Variants in YME1L1 observed in about 807,000 individuals in gnomAD.
The protein encoded by YME1L1 is ATP-dependent zinc metalloprotease YME1L1.
A neutral mutation model predicts 90.4 loss-of-function variants in YME1L1; 39 were observed. The observed-to-expected ratio is 0.43, with a 90% CI of 0.33 to 0.56. The LOEUF is 0.56. YME1L1 is among the 20% of genes least tolerant of loss of function. The pLI is 0.03. For synonymous variants in YME1L1, 284 were observed against 287.3 expected, an observed-to-expected ratio of 0.99 and a Z score of 0.12; for missense variants, 617 against 868.4, an observed-to-expected ratio of 0.71 and a Z score of 3.64.
chr10:27,113,250 A>G (rs1233240514), intron 18 of YME1L1, among the ~76,000 whole-genome samples: 1 of 102,904 alleles, frequency 9.7e-6, no homozygotes, highest in African/African-American at 3.2e-5. Context: ...AAAAAAAAAA[A>G]AAAAAAAAAA....
At chr10:27,112,610 C>G (rs1397135847) in intron 18 of YME1L1, among the ~76,000 whole-genome samples, 1 of 152,174 alleles carries the variant, frequency 6.6e-6, no homozygotes, top group Non-Finnish European at 1.5e-5. Flanking sequence ...GAAGTCCAGG[C>G]CATTTGACTA....
At chr10:27,142,603 T>G (rs1371635066) in intron 3 of YME1L1, 118 bp from the exon 4 acceptor site, 2 of 451,786 alleles carry the variant, frequency 4.4e-6, no homozygotes, top group Non-Finnish European at 7.9e-6. Flanking sequence ...TTTCAACTTT[T>G]ATTTATCCAT....
intron 4 of YME1L1, among the ~76,000 whole-genome samples, chr10:27,140,617 T>G (rs906340155): frequency 7.9e-5 from 12 of 152,158 alleles, no homozygotes; most frequent in African/African-American, 2.9e-4. Context: ...TAGCTGGGAT[T>G]ACAGGCACAC....
In YME1L1 at chr10:27,147,431, C is replaced by T. The variant is rs904973961; in HGVS notation, c.168+1475G>A. On this transcript the variant is annotated intron_variant, in intron 2 of 18. Transcript: ENST00000376016. The stretch of plus-strand genomic sequence containing the variant: ...AAAGATGGCAAGAACCTGAACTAAG[C>T]CGTGACTAAGAACGATGGACAAAAC... 1.9e-6 allele frequency: 3 copies of T among 1,613,370 alleles called. No homozygotes were observed. In the African/African-American group the frequency reaches 4.0e-5, roughly 22 times the overall value.
intron 2 of YME1L1, chr10:27,147,612 T>C: frequency 6.4e-7 from 1 of 1,560,406 alleles, no homozygotes. Flanking sequence ...CTTCGAATAT[T>C]TTTCCTTTGC....
rs777838729 is a variant in YME1L1, at chr10:27,114,478, C to T, written c.2007+43G>A. The T allele has an allele frequency of 4.6e-6, 7 of 1,521,082 alleles. No homozygotes were observed. The Admixed American group carries it at 1.1e-4, about 24-fold the overall frequency. The allele number at this position is 1,521,082 out of a possible 1,614,324, so 94.2% of individuals were successfully genotyped here. A position where few individuals can be genotyped will look rare whatever the true frequency, so the allele number is the denominator to read the frequency against. Reference sequence around the variant, plus strand: ...TTTTAAGAACCTGACTATTTAAGCACATTGTTCCTAAGAAAATAAATAAGC... The same window carrying T: ...TTTTAAGAACCTGACTATTTAAGCATATTGTTCCTAAGAAAATAAATAAGC... On this transcript the variant is annotated intron_variant, in intron 18 of 18. Transcript: ENST00000376016.
At chr10:27,116,515 A>C (rs2056814921) in intron 15 of YME1L1, among the ~76,000 whole-genome samples, 170 bp from the exon 16 acceptor site, 1 of 152,038 alleles carries the variant, frequency 6.6e-6, no homozygotes, top group Non-Finnish European at 1.5e-5. Context: ...AAAAATACAA[A>C]ATTAGGCAGG....
chr10:27,154,282 G>C lies in YME1L1; in HGVS notation c.-72C>G. On this transcript the variant is annotated 5_prime_UTR_variant, in exon 1 of 19. Transcript: ENST00000376016. The stretch of plus-strand genomic sequence containing the variant: ...CCTCTGTCCACGGCCCGGCGGGGAG[G>C]CGCTGAGCCCTTCTTTTTTCCTTTT... 1 of 1,521,142 alleles carries C rather than the reference G, an allele frequency of 6.6e-7. No individual in the cohort carries two copies. Among genetic ancestry groups the C allele is most frequent in the African/African-American group, 1.4e-5 (1 of 72,004 alleles). 94.2% of individuals were successfully genotyped at this position (1,521,142 alleles called of 1,614,324 possible). A position where few individuals can be genotyped will look rare whatever the true frequency, so the allele number is the denominator to read the frequency against.
chr10:27,139,134 T>A (rs1253696066), intron 4 of YME1L1, among the ~76,000 whole-genome samples: 1 of 152,152 alleles, frequency 6.6e-6, no homozygotes, highest in African/African-American at 2.4e-5. Flanking sequence ...GTGAAACACA[T>A]CTATTTTGTT....
intron 1 of YME1L1, among the ~76,000 whole-genome samples, chr10:27,151,255 C>T (rs1367508396): frequency 1.3e-5 from 2 of 152,182 alleles, no homozygotes; most frequent in African/African-American, 4.8e-5. Context: ...ATCCAACAAC[C>T]CTCTCTTGGG....
intron 4 of YME1L1, among the ~76,000 whole-genome samples, chr10:27,137,532 A>T (rs2057041894): frequency 6.6e-6 from 1 of 152,196 alleles, no homozygotes; most frequent in Non-Finnish European, 1.5e-5. Flanking sequence ...ACTACTTTCT[A>T]AAAAAGGCTG....
In YME1L1 at chr10:27,112,200, T is replaced by G. The variant is rs2056765896; in HGVS notation, c.2008-80A>C. 2.0e-5 allele frequency: 25 copies of G among 1,255,658 alleles called. 1 individual carries two copies. In the South Asian group the frequency reaches 3.4e-4, roughly 17 times the overall value. The allele number at this position is 1,255,658 out of a possible 1,614,324, so 77.8% of individuals were successfully genotyped here. A position where few individuals can be genotyped will look rare whatever the true frequency, so the allele number is the denominator to read the frequency against. ...AGTCAATGGGAAGAGAAAGAAAAAC[T>G]TTATGTACCCTAAAAAATATGAAAT... On this transcript the variant is annotated intron_variant, in intron 18 of 18. Coordinates refer to ENST00000376016, the MANE Select transcript of YME1L1 (RefSeq NM_014263.4).
intron 2 of YME1L1, among the ~76,000 whole-genome samples, chr10:27,148,473 G>C (rs897242617): frequency 2.0e-5 from 3 of 152,120 alleles, no homozygotes; most frequent in African/African-American, 7.2e-5. Context: ...AAGCTGCACA[G>C]ATCCACAGAT....
At chr10:27,153,386 A>T (rs2057253552) in intron 1 of YME1L1, 15 of 325,110 alleles carry the variant, frequency 4.6e-5, no homozygotes, top group South Asian at 3.6e-4. Flanking sequence ...CGATTTTCTT[A>T]AAAATTATGT....
Position 27,111,772 on chromosome 10 carries a change from A to T in YME1L1, c.*205T>A. 4.4e-6 allele frequency: 3 copies of T among 675,962 alleles called. No individual in the cohort carries two copies. Among genetic ancestry groups the T allele is most frequent in the Non-Finnish European group, 7.9e-6 (3 of 377,362 alleles). 41.9% of individuals were successfully genotyped at this position (675,962 alleles called of 1,614,324 possible). On this transcript the variant is annotated 3_prime_UTR_variant, in exon 19 of 19. Transcript: ENST00000376016. ...ATAGTTCTTTATTTTTTCAAAATAT[A>T]TTTGCCATGGGATGCTAATTTGCAA...
intron 13 of YME1L1, among the ~76,000 whole-genome samples, chr10:27,120,075 C>T (rs1308994242): frequency 6.6e-6 from 1 of 152,074 alleles, no homozygotes; most frequent in Non-Finnish European, 1.5e-5. Context: ...GCTTTCTTCT[C>T]TTTTGGCCCC....
At chr10:27,142,283 T>C in intron 4 of YME1L1, 104 bp downstream of exon 4, 2 of 652,788 alleles carry the variant, frequency 3.1e-6, no homozygotes, top group Admixed American at 3.2e-5. Flanking sequence ...TTAGGTCCTG[T>C]GAATTGCAAA....
intron 4 of YME1L1, among the ~76,000 whole-genome samples, chr10:27,142,149 G>C (rs1044630659): frequency 1.9e-4 from 29 of 152,082 alleles, no homozygotes; most frequent in African/African-American, 6.8e-4. Flanking sequence ...CTTGAAACAA[G>C]CGTAGATAAG....
At chr10:27,128,919 TA>T (rs2056948243) in intron 8 of YME1L1, among the ~76,000 whole-genome samples, 1 of 150,806 alleles carries the variant, frequency 6.6e-6, no homozygotes, top group Non-Finnish European at 1.5e-5. Context: ...GAAAGAATAA[TA>T]AAATTAAATT....
Sources: gnomAD v4.1 joint callset for allele counts (sites outside exome capture counted in the v4.1 genomes callset) on GRCh38, gnomAD v4.1.1 for gene constraint, MANE v1.5 for transcripts, NCBI Gene and HGNC (gene_info 2026-07-23, HGNC 2026-07-21) for gene names.